Variants in VPS8 observed in about 807,000 individuals in gnomAD.
VPS8 encodes VPS8 subunit of CORVET complex.
Under a neutral mutation model 216.4 loss-of-function variants are expected in VPS8, and 129 were observed. The observed-to-expected ratio is 0.60, with a 90% CI of 0.52 to 0.69. VPS8 has a LOEUF of 0.69. Among genes scored for constraint, VPS8 ranks in the 30% least tolerant of loss-of-function variants. VPS8 has a pLI of 0.00. For synonymous variants in VPS8, 571 were observed against 565.4 expected, an observed-to-expected ratio of 1.01 and a Z score of -0.14; for missense variants, 1,531 against 1,683.5, an observed-to-expected ratio of 0.91 and a Z score of 1.59.
intron 30 of VPS8, among the ~76,000 whole-genome samples, chr3:184,925,438 T>G (rs1416071427): frequency 6.6e-6 from 1 of 152,228 alleles, no homozygotes. Flanking sequence ...TAAAAATGAC[T>G]AACATTTTCT....
chr3:184,934,231 C>T (rs1741206686), intron 34 of VPS8, among the ~76,000 whole-genome samples: 1 of 152,082 alleles, frequency 6.6e-6, no homozygotes, highest in African/African-American at 2.4e-5. Context: ...AGTATAGTGG[C>T]ACCATCTAGG....
rs1720233413 is a variant in VPS8, at chr3:184,832,602, T to TGCA, written c.223-86_223-85insCAG. Reference sequence around the variant, plus strand: ...GGCGAAAAGCAGAAATAAGCACTTGTGTGCTCTGGAGAAACCCATTAATGC... The same window carrying TGCA: ...GGCGAAAAGCAGAAATAAGCACTTGTGCAGTGCTCTGGAGAAACCCATTAATGC... On this transcript the variant is annotated intron_variant, in intron 3 of 47. Coordinates refer to ENST00000625842, the MANE Select transcript of VPS8 (RefSeq NM_001009921.3). 38 of 1,194,896 alleles carry TGCA rather than the reference T, an allele frequency of 3.2e-5. 1 individual carries two copies. Among genetic ancestry groups the TGCA allele is most frequent in the Middle Eastern group, 5.7e-4 (2 of 3,504 alleles). The allele number at this position is 1,194,896 out of a possible 1,614,324, so 74.0% of individuals were successfully genotyped here.
chr3:184,836,742 A>G (rs1053291913), intron 5 of VPS8, among the ~76,000 whole-genome samples: 3 of 152,202 alleles, frequency 2.0e-5, no homozygotes, highest in African/African-American at 2.4e-5. Context: ...TAATTGCTCA[A>G]TAGTGCCTTC....
intron 8 of VPS8, among the ~76,000 whole-genome samples, chr3:184,845,334 TAGTTACTCTAGCAGG>T (rs1198823224): frequency 1.3e-5 from 2 of 152,234 alleles, no homozygotes; most frequent in African/African-American, 4.8e-5. Context: ...ACAGAATGTT[TAGTTACTCTAGCAGG>T]AGAAACCTCT....
chr3:185,033,623 A>T (rs1369007203), intron 46 of VPS8, among the ~76,000 whole-genome samples: 2 of 152,242 alleles, frequency 1.3e-5, no homozygotes, highest in African/African-American at 4.8e-5. Flanking sequence ...ATCTCAACTC[A>T]TTTGTGTAAA....
chr3:184,901,932 C>T (rs1734559600), intron 25 of VPS8, among the ~76,000 whole-genome samples: 1 of 152,182 alleles, frequency 6.6e-6, no homozygotes, highest in Admixed American at 6.5e-5. Context: ...CACATCCTTG[C>T]AAGCACTTGA....
chr3:184,852,585 A>T lies in VPS8; in HGVS notation c.821+18A>T, dbSNP rs1724512445. On this transcript the variant is annotated intron_variant, in intron 11 of 47. Coordinates refer to ENST00000625842, the MANE Select transcript of VPS8 (RefSeq NM_001009921.3). The stretch of plus-strand genomic sequence containing the variant: ...ACATTTAAGTAAGAGACTAGTGGAC[A>T]TTTGTTGACAAATGAAAAGACTAGC... 1 of 1,608,734 alleles carries T rather than the reference A, an allele frequency of 6.2e-7. No individual in the cohort carries two copies. The highest frequency in any genetic ancestry group is 2.2e-5 in the East Asian group (1 of 44,832).
chr3:184,944,087 T>C (rs531761937), intron 36 of VPS8, among the ~76,000 whole-genome samples: 1 of 152,008 alleles, frequency 6.6e-6, no homozygotes, highest in South Asian at 2.1e-4. Context: ...AAGTATCAAG[T>C]TGTTTTTGAG....
chr3:184,964,661 A>G, intron 38 of VPS8, 104 bp downstream of exon 38: 1 of 581,256 alleles, frequency 1.7e-6, no homozygotes, highest in Non-Finnish European at 2.7e-6. Context: ...ACCGTAATAT[A>G]TTTTACCCCT....
intron 36 of VPS8, among the ~76,000 whole-genome samples, chr3:184,946,322 G>A (rs1743661529): frequency 1.3e-5 from 2 of 152,310 alleles, no homozygotes; most frequent in South Asian, 4.1e-4. Context: ...TATCATCCTT[G>A]CTTCAAAGTT....
intron 28 of VPS8, among the ~76,000 whole-genome samples, chr3:184,916,019 TTC>T (rs1737505726): frequency 6.6e-6 from 1 of 151,940 alleles, no homozygotes; most frequent in South Asian, 2.1e-4. Context: ...CCCTCTCTCC[TTC>T]TCTCTCTTCC....
At chr3:184,838,096 G>A (rs956370737) in intron 5 of VPS8, among the ~76,000 whole-genome samples, 1 of 152,184 alleles carries the variant, frequency 6.6e-6, no homozygotes, top group Non-Finnish European at 1.5e-5. Context: ...ACAGCTCACT[G>A]AGGTAAACAG....
chr3:184,841,687 G>T (rs1722169029), intron 7 of VPS8, among the ~76,000 whole-genome samples: 1 of 152,300 alleles, frequency 6.6e-6, no homozygotes, highest in African/African-American at 2.4e-5. Flanking sequence ...GTTCAGAATG[G>T]TGGTCTTCCT....
chr3:184,945,132 C>T (rs1037567926), intron 36 of VPS8, among the ~76,000 whole-genome samples: 2 of 151,942 alleles, frequency 1.3e-5, no homozygotes, highest in East Asian at 3.9e-4. Flanking sequence ...ACCTCCTAAT[C>T]ACCAGTCAGC....
At chr3:184,830,254 A>G (rs1209639098) in intron 3 of VPS8, among the ~76,000 whole-genome samples, 3 of 152,170 alleles carry the variant, frequency 2.0e-5, no homozygotes, top group Non-Finnish European at 4.4e-5. Context: ...TAAATCAGGT[A>G]ATCATATAGG....
At chr3:184,881,314 T>G (rs532250724) in intron 21 of VPS8, among the ~76,000 whole-genome samples, 1 of 152,300 alleles carries the variant, frequency 6.6e-6, no homozygotes, top group African/African-American at 2.4e-5. Flanking sequence ...TTTGAGTTAA[T>G]TTTTACATAA....
chr3:185,049,760 T>C (rs1713768060), intron 47 of VPS8, among the ~76,000 whole-genome samples: 1 of 152,170 alleles, frequency 6.6e-6, no homozygotes, highest in African/African-American at 2.4e-5. Flanking sequence ...AACTGCTGTG[T>C]CCTCTGCTTC....
intron 21 of VPS8, among the ~76,000 whole-genome samples, chr3:184,881,178 G>T (rs1173791632): frequency 1.3e-5 from 2 of 152,036 alleles, no homozygotes; most frequent in Non-Finnish European, 2.9e-5. Flanking sequence ...GCTTTTCCTT[G>T]TATGATTGTG....
chr3:184,912,815 C>G (rs1379818659), intron 25 of VPS8, among the ~76,000 whole-genome samples: 1 of 152,160 alleles, frequency 6.6e-6, no homozygotes, highest in African/African-American at 2.4e-5. Flanking sequence ...ATTCATATTA[C>G]CAAAAATAGA....
Sources: allele counts gnomAD v4.1 joint callset (sites outside exome capture counted in the v4.1 genomes callset), GRCh38; gene constraint gnomAD v4.1.1; transcripts MANE v1.5; gene names NCBI Gene and HGNC (gene_info 2026-07-23, HGNC 2026-07-21).